The following PNN variants were observed in gnomAD, a reference collection of about 807,000 sequenced individuals.
The protein encoded by PNN is pinin.
A neutral mutation model predicts 76.6 loss-of-function variants in PNN; 38 were observed. That is an observed-to-expected ratio of 0.50 (90% CI 0.38 to 0.65). The LOEUF (loss-of-function observed/expected upper bound fraction) is 0.65, where lower values mean the gene tolerates loss of function less well. Ranked by LOEUF, PNN falls within the 30% of genes least tolerant of loss-of-function variation. PNN has a pLI of 0.00. For synonymous variants in PNN, 366 were observed against 283.7 expected (o/e 1.29, Z -2.91); for missense variants, 873 against 874.1 (o/e 1.00, Z 0.02).
Position 39,181,287 on chromosome 14 carries a change from GAGGA to G in PNN, c.1583_1586del (p.Lys528IlefsTer4). On this transcript the variant is annotated frameshift_variant, in exon 9 of 9. Transcript: ENST00000216832. LOFTEE classifies it high-confidence loss of function. Reference sequence around the variant, plus strand: ...AGGAGCAAGGGCATTTACTACCTGAGAGGAAGGATTTTCCTGTAGAGTCTGTAAA... The same window carrying G: ...AGGAGCAAGGGCATTTACTACCTGAGAGGATTTTCCTGTAGAGTCTGTAAA... The G allele has an allele frequency of 6.2e-7, 1 of 1,614,128 alleles. No homozygotes were observed. The highest frequency in any genetic ancestry group is 8.5e-7 in the Non-Finnish European group (1 of 1,179,986).
Position 39,175,664 on chromosome 14 carries a change from C to T in PNN, c.113+272C>T, listed in dbSNP as rs899988460. On this transcript the variant is annotated intron_variant, in intron 1 of 8. Coordinates refer to ENST00000216832, the MANE Select transcript of PNN (RefSeq NM_002687.4). ...TGTGAGAAGACCCGGACTGCTGATTCCCGCTCTCGGCCCTGCAGGCCCGGA... is the reference window on the plus strand; with the variant it reads ...TGTGAGAAGACCCGGACTGCTGATTTCCGCTCTCGGCCCTGCAGGCCCGGA... 7.6e-5 allele frequency: 38 copies of T among 500,326 alleles called. 1 individual carries two copies. The East Asian group carries it at 1.4e-3, about 19-fold the overall frequency. The allele number at this position is 500,326 out of a possible 1,614,324, so 31.0% of individuals were successfully genotyped here.
Position 39,181,377 on chromosome 14 carries a change from C to T in PNN, c.1668C>T (p.Thr556=), listed in dbSNP as rs2053268692. 1 of 1,614,134 alleles carries T rather than the reference C, an allele frequency of 6.2e-7. No homozygotes were observed. The highest frequency in any genetic ancestry group is 2.2e-5 in the East Asian group (1 of 44,892). Residue 556 remains threonine (T), a synonymous_variant, in exon 9 of 9, where the codon ACC becomes ACT. Transcript: ENST00000216832. ...LTVHPESKSK[T]KTRSRSRGRA... is the part of the protein sequence containing the mutation. ...TACATCCAGAGAGCAAGAGCAAAAC[C>T]AAAACTAGGAGCAGAAGTAGAGGTC...
chr14:39,181,587 T>C lies in PNN; in HGVS notation c.1878T>C (p.Ser626=). 6.2e-7 allele frequency: 1 copy of C among 1,613,640 alleles called. No individual in the cohort carries two copies. The highest frequency in any genetic ancestry group is 8.5e-7 in the Non-Finnish European group (1 of 1,179,816). The change falls in exon 9 of 9, where the codon AGT becomes AGC. Residue 626 remains serine, a synonymous_variant. Transcript: ENST00000216832. ...SSSRDSSSST[S]SSSESRSRSR... The stretch of plus-strand genomic sequence containing the variant: ...GCAGAGATAGTAGCAGTAGCACTAG[T>C]AGTAGTAGTGAGAGTAGAAGTCGGA...
Position 39,177,697 on chromosome 14 carries a change from TG to T in PNN, c.422+15del, listed in dbSNP as rs770643521. ...AAAAGGGAAAGCAAAGGTATTTCCCTGGGGGAAAAAAACTCTAGTGAAATAA... is the reference window on the plus strand; with the variant it reads ...AAAAGGGAAAGCAAAGGTATTTCCCTGGGGAAAAAAACTCTAGTGAAATAA... On this transcript the variant is annotated intron_variant, in intron 5 of 8. Coordinates refer to ENST00000216832, the MANE Select transcript of PNN (RefSeq NM_002687.4). The T allele has an allele frequency of 6.3e-7, 1 of 1,595,946 alleles. No homozygotes were observed. Among genetic ancestry groups the T allele is most frequent in the Non-Finnish European group, 8.6e-7 (1 of 1,163,680 alleles).
intron 6 of PNN, among the ~76,000 whole-genome samples, chr14:39,178,404 G>A (rs1336310541): frequency 6.6e-6 from 1 of 151,960 alleles, no homozygotes; most frequent in Non-Finnish European, 1.5e-5. Flanking sequence ...GGTGGCATGC[G>A]CCTGTAATCC....
chr14:39,175,453 G>T, intron 1 of PNN, 61 bp downstream of exon 1: 1 of 1,028,710 alleles, frequency 9.7e-7, no homozygotes. Flanking sequence ...AGGTCGGGGT[G>T]AATTGGGGGC....
At chr14:39,175,836 A>G (rs1474900115) in intron 1 of PNN, 1 of 517,816 alleles carries the variant, frequency 1.9e-6, no homozygotes, top group Non-Finnish European at 3.4e-6. Flanking sequence ...GACCTGATCC[A>G]GGCTTGTTAA....
At position 39,180,924 on chromosome 14, in the gene PNN, A is replaced by G; in HGVS notation, c.1215A>G (p.Val405=). 1.9e-6 allele frequency: 3 copies of G among 1,614,156 alleles called. No homozygotes were observed. The highest frequency in any genetic ancestry group is 2.5e-6 in the Non-Finnish European group (3 of 1,180,002). The change falls in exon 9 of 9, where the codon GTA becomes GTG. Residue 405 remains valine (V), a synonymous_variant. Transcript: ENST00000216832. The part of the protein sequence containing the change: ...NVKHVIADQE[V]METNRVESVE... ...AACATGTAATTGCTGACCAGGAGGT[A>G]ATGGAAACTAATCGAGTTGAAAGTG...
chr14:39,175,968 T>C, intron 1 of PNN, 110 bp from the exon 2 acceptor site: 1 of 656,494 alleles, frequency 1.5e-6, no homozygotes, highest in Non-Finnish European at 2.8e-6. Context: ...AAACTATCTT[T>C]TTGGAACTTT....
In PNN at chr14:39,177,670, T is replaced by C; in HGVS notation, c.405T>C (p.Asp135=). 6.2e-7 allele frequency: 1 copy of C among 1,611,978 alleles called. No homozygotes were observed. The highest frequency in any genetic ancestry group is 8.5e-7 in the Non-Finnish European group (1 of 1,178,256). The change falls in exon 5 of 9, where the codon GAT becomes GAC. Residue 135 remains aspartate, a synonymous_variant. Transcript: ENST00000216832. ...RRDLIQDQNM[D]EKGKQRNRRI... is the part of the protein sequence containing the mutation. Reference sequence around the variant, plus strand: ...ACCTTATCCAGGATCAAAATATGGATGAAAAGGGAAAGCAAAGGTATTTCC... The same window carrying C: ...ACCTTATCCAGGATCAAAATATGGACGAAAAGGGAAAGCAAAGGTATTTCC...
In PNN at chr14:39,183,218, A is replaced by G. The variant is rs963143806; in HGVS notation, c.*1355A>G. On this transcript the variant is annotated 3_prime_UTR_variant, in exon 9 of 9. Coordinates refer to ENST00000216832, the MANE Select transcript of PNN (RefSeq NM_002687.4). ...GAGTAATTATTAAAACAGTAAATGC[A>G]TAGAGCTTTGCACAGCAATCTGTAT... 6.6e-6 allele frequency: 1 copy of G among 152,246 alleles called. No homozygotes were observed. The highest frequency in any genetic ancestry group is 1.5e-5 in the Non-Finnish European group (1 of 68,046). The allele number at this position is 152,246 out of a possible 1,614,324, so 9.4% of individuals were successfully genotyped here.
At position 39,179,511 on chromosome 14, in the gene PNN, T is replaced by TA. The variant is rs2053254205; in HGVS notation, c.793+50dup. 4 of 1,435,682 alleles carry TA rather than the reference T, an allele frequency of 2.8e-6. No individual in the cohort carries two copies. In the Admixed American group the frequency reaches 8.0e-5, roughly 29 times the overall value. The allele number at this position is 1,435,682 out of a possible 1,614,324, so 88.9% of individuals were successfully genotyped here. On this transcript the variant is annotated intron_variant, in intron 8 of 8. Transcript: ENST00000216832. ...GAATTGTTCATAGTGGGTAAGGTAATATGTTCATATGCACACGTTTGTTTT... is the reference window on the plus strand; with the variant it reads ...GAATTGTTCATAGTGGGTAAGGTAATAATGTTCATATGCACACGTTTGTTTT...
chr14:39,177,576 A>G lies in PNN; in HGVS notation c.328-17A>G, dbSNP rs751134973. 3.4e-5 allele frequency: 54 copies of G among 1,611,072 alleles called. No homozygotes were observed. The highest frequency in any genetic ancestry group is 3.3e-4 in the Middle Eastern group (2 of 6,078). On this transcript the variant is annotated splice_polypyrimidine_tract_variant and intron_variant, in intron 4 of 8. Transcript: ENST00000216832. ...CTCATATGCTAGTTAAATTACTGAG[A>G]TTTTCTTTTTCTGCAGCCAGCATTG...
intron 6 of PNN, 110 bp from the exon 7 acceptor site, chr14:39,178,981 G>A (rs1055496438): frequency 1.4e-5 from 14 of 971,262 alleles, no homozygotes; most frequent in African/African-American, 3.3e-5. Flanking sequence ...AATGTTTCAC[G>A]TAATTAGTAT....
Position 39,177,438 on chromosome 14 carries a change from G to T in PNN, c.281G>T (p.Arg94Ile). Residue 94 changes from arginine to isoleucine, a missense_variant, in exon 4 of 9, where the codon AGA becomes ATA. By Grantham distance (97) the Arg-to-Ile change is moderately conservative. This residue lies in a region of PNN where 156 missense variants were observed against 161.7 expected (regional missense o/e 0.96). Coordinates refer to ENST00000216832, the MANE Select transcript of PNN (RefSeq NM_002687.4). Reference sequence around the variant, plus strand: ...CTGGGCGGGGAGCGTCGGACCAGAAGAGAATCACGCCAGGAAAGCGACCCG... The same window carrying T: ...CTGGGCGGGGAGCGTCGGACCAGAATAGAATCACGCCAGGAAAGCGACCCG... ...SRLGGERRTR[R>I]ESRQESDPED... The T allele has an allele frequency of 6.2e-7, 1 of 1,614,046 alleles. No individual in the cohort carries two copies. Among genetic ancestry groups the T allele is most frequent in the South Asian group, 1.1e-5 (1 of 91,064 alleles).
chr14:39,180,729 G>A lies in PNN; in HGVS notation c.1020G>A (p.Lys340=). The change falls in exon 9 of 9, where the codon AAG becomes AAA. Residue 340 remains lysine, a synonymous_variant. Transcript: ENST00000216832. ...AGGAAGCAGGAGAGGAAGAGGAAAA[G>A]GAAATAGCGATTGTTCATAGTGATG... is the stretch of plus-strand genomic sequence containing the variant. ...EIEEAGEEEE[K]EIAIVHSDAE... The A allele has an allele frequency of 6.3e-7, 1 of 1,596,538 alleles. No individual in the cohort carries two copies. The highest frequency in any genetic ancestry group is 1.1e-5 in the South Asian group (1 of 89,350).
Position 39,176,600 on chromosome 14 carries a change from G to T in PNN, c.254+5G>T, listed in dbSNP as rs1182150957. 1 of 1,580,430 alleles carries T rather than the reference G, an allele frequency of 6.3e-7. No individual in the cohort carries two copies. The highest frequency in any genetic ancestry group is 1.4e-5 in the African/African-American group (1 of 73,390). On this transcript the variant is annotated splice_donor_5th_base_variant and intron_variant, in intron 3 of 8. Coordinates refer to ENST00000216832, the MANE Select transcript of PNN (RefSeq NM_002687.4). Reference sequence around the variant, plus strand: ...CCTTGAAGGGGCAGTCAGTAGGTAGGTTTAAAAAAAGATTCCTGAAGGCTT... The same window carrying T: ...CCTTGAAGGGGCAGTCAGTAGGTAGTTTTAAAAAAAGATTCCTGAAGGCTT...
chr14:39,178,720 T>A (rs1436919304), intron 6 of PNN, among the ~76,000 whole-genome samples: 6 of 117,062 alleles, frequency 5.1e-5, no homozygotes, highest in African/African-American at 1.9e-4. Context: ...TACCTTTACA[T>A]AGTGAAAAAA....
chr14:39,177,333 C>T lies in PNN; in HGVS notation c.255-79C>T. On this transcript the variant is annotated intron_variant, in intron 3 of 8. Transcript: ENST00000216832. Reference sequence around the variant, plus strand: ...CCTGGGAGGTCGAGGCTGCAGTGAACCGTGGTGGCACCACTGCACTTCAGC... The same window carrying T: ...CCTGGGAGGTCGAGGCTGCAGTGAATCGTGGTGGCACCACTGCACTTCAGC... 4 of 1,145,640 alleles carry T rather than the reference C, an allele frequency of 3.5e-6. No individual in the cohort carries two copies. The South Asian group carries it at 4.0e-5, about 12-fold the overall frequency. 71.0% of individuals were successfully genotyped at this position (1,145,640 alleles called of 1,614,324 possible).
Sources: allele counts gnomAD v4.1 joint callset (sites outside exome capture counted in the v4.1 genomes callset), GRCh38; gene constraint gnomAD v4.1.1; regional missense constraint gnomAD v4.1.1; transcripts MANE v1.5; gene names NCBI Gene and HGNC (gene_info 2026-07-23, HGNC 2026-07-21).